Variants in LRIG2 observed in about 807,000 individuals in gnomAD.
The protein encoded by LRIG2 is leucine rich repeats and immunoglobulin like domains 2.
In LRIG2, 93 loss-of-function variants were observed where a neutral mutation model predicts 107.8. That is an observed-to-expected ratio of 0.86 (90% CI 0.73 to 1.03). The LOEUF is 1.03. Ranked by LOEUF, LRIG2 falls within the 50% of genes least tolerant of loss-of-function variation. The pLI, the probability that LRIG2 is intolerant of heterozygous loss-of-function variation, is 0.00. For synonymous variants in LRIG2, 471 were observed against 470.6 expected (o/e 1.00, Z -0.01); for missense variants, 1,226 against 1,296.0 (o/e 0.95, Z 0.83).
intron 11 of LRIG2, among the ~76,000 whole-genome samples, chr1:113,104,020 T>A (rs529182176): frequency 1.3e-5 from 2 of 152,292 alleles, no homozygotes; most frequent in Admixed American, 1.3e-4. Flanking sequence ...GGCATCTGAA[T>A]CCCCTCTGTT....
Position 113,112,558 on chromosome 1 carries a change from G to A in LRIG2, c.1878G>A (p.Glu626=). The A allele has an allele frequency of 6.2e-7, 1 of 1,614,210 alleles. No homozygotes were observed. ...TGGCCAGATTAGAATGTGCTGCAGA[G>A]GGACACCCTGCACCTCAGATTTCCT... ...GAMARLECAA[E]GHPAPQISWQ... is the part of the protein sequence containing the mutation. The change falls in exon 14 of 18, where the codon GAG becomes GAA. Residue 626 remains glutamate, a synonymous_variant. Coordinates refer to ENST00000361127, the MANE Select transcript of LRIG2 (RefSeq NM_014813.3).
intron 17 of LRIG2, among the ~76,000 whole-genome samples, chr1:113,120,826 T>G (rs977521675): frequency 6.7e-6 from 1 of 148,776 alleles, no homozygotes; most frequent in Non-Finnish European, 1.5e-5. Flanking sequence ...GAAGTTTTTT[T>G]TTTTTTATTT....
chr1:113,100,535 G>A (rs756445913), intron 11 of LRIG2, 47 bp downstream of exon 11: 1 of 1,109,550 alleles, frequency 9.0e-7, no homozygotes, highest in Non-Finnish European at 1.3e-6. Context: ...CATTGTTCCT[G>A]CTTGTTGTGC....
Position 113,114,763 on chromosome 1 carries a change from T to C in LRIG2, c.2417T>C (p.Val806Ala), listed in dbSNP as rs142889881. ...IGHEDDGWTT[V>A]GIVIIVVVCC... ...CATGAAGATGATGGCTGGACCACAG[T>C]TGGCATTGTCATCATTGTTGTGGTC... Residue 806 changes from valine to alanine, a missense_variant, in exon 15 of 18, where the codon GTT becomes GCT. Transcript: ENST00000361127. The C allele has an allele frequency of 7.0e-4, 1,131 of 1,614,150 alleles. 1 individual carries two copies. The highest frequency in any genetic ancestry group is 7.2e-4 in the Non-Finnish European group (848 of 1,180,018).
chr1:113,073,537 C>A lies in LRIG2; in HGVS notation c.131C>A (p.Pro44His), dbSNP rs771022906. 2.5e-6 allele frequency: 4 copies of A among 1,614,144 alleles called. No homozygotes were observed. In the Admixed American group the frequency reaches 6.7e-5, roughly 27 times the overall value. The change falls in exon 1 of 18, where the codon CCC becomes CAC. Residue 44 changes from proline (P) to histidine (H), a missense_variant. By Grantham distance (77) the Pro-to-His change is moderately conservative. Coordinates refer to ENST00000361127, the MANE Select transcript of LRIG2 (RefSeq NM_014813.3). ...LLPAAGAGLC[P>H]APCSCRIPLL... ...CCCGCCGCCGGAGCAGGTCTCTGCC[C>A]CGCGCCCTGCTCCTGCCGCATTCCT... is the stretch of plus-strand genomic sequence containing the variant.
chr1:113,111,195 C>T (rs1654760143), intron 13 of LRIG2, among the ~76,000 whole-genome samples: 1 of 152,078 alleles, frequency 6.6e-6, no homozygotes, highest in South Asian at 2.1e-4. Flanking sequence ...GCCACCAGGC[C>T]CATCTAATTT....
intron 9 of LRIG2, among the ~76,000 whole-genome samples, 171 bp from the exon 10 acceptor site, chr1:113,100,040 T>A (rs1430885873): frequency 6.6e-6 from 1 of 152,218 alleles, no homozygotes; most frequent in Non-Finnish European, 1.5e-5. Flanking sequence ...TCTCATCAAA[T>A]TGTACACATT....
rs193217435 is a variant in LRIG2 at position 113,132,059 on chromosome 1, C to T, written c.*7958C>T. 6.6e-6 allele frequency: 1 copy of T among 151,638 alleles called. No homozygotes were observed. The highest frequency in any genetic ancestry group is 1.5e-5 in the Non-Finnish European group (1 of 67,964). The allele number at this position is 151,638 out of a possible 1,614,324, so 9.4% of individuals were successfully genotyped here. A position where few individuals can be genotyped will look rare whatever the true frequency, so the allele number is the denominator to read the frequency against. On this transcript the variant is annotated 3_prime_UTR_variant, in exon 18 of 18. Transcript: ENST00000361127. ...TACTTTCCACTATTATTTTTTTCCC[C>T]TATTGGATAATACTAGTCTGAGCAG...
intron 1 of LRIG2, among the ~76,000 whole-genome samples, chr1:113,080,231 G>A (rs1419151870): frequency 6.6e-6 from 1 of 151,840 alleles, no homozygotes; most frequent in African/African-American, 2.4e-5. Flanking sequence ...ATGTTGGCCA[G>A]GCTGGTCTCC....
Position 113,073,485 on chromosome 1 carries a change from A to AGGTCTCGGT in LRIG2, c.79_80insGGTCTCGGT (p.Ile27delinsArgSerArgPhe). ...TAGAGTGCTTTCTCGGTTACTCTTC[A>AGGTCTCGGT]TTGCCCAGACCGCTCTCCTCCTGTT... is the stretch of plus-strand genomic sequence containing the variant. On this transcript the variant is annotated protein_altering_variant, in exon 1 of 18. Coordinates refer to ENST00000361127, the MANE Select transcript of LRIG2 (RefSeq NM_014813.3). The AGGTCTCGGT allele has an allele frequency of 6.2e-7, 1 of 1,613,982 alleles. No individual in the cohort carries two copies. Among genetic ancestry groups the AGGTCTCGGT allele is most frequent in the Non-Finnish European group, 8.5e-7 (1 of 1,179,974 alleles).
At chr1:113,087,703 A>T (rs1653621169) in intron 1 of LRIG2, among the ~76,000 whole-genome samples, 1 of 152,126 alleles carries the variant, frequency 6.6e-6, no homozygotes, top group Non-Finnish European at 1.5e-5. Flanking sequence ...TTAAAAAAAG[A>T]AATAGGAAAG....
At chr1:113,094,818 G>A (rs1302494060) in intron 6 of LRIG2, 63 bp downstream of exon 6, 5 of 1,503,654 alleles carry the variant, frequency 3.3e-6, no homozygotes, top group South Asian at 2.4e-5. Context: ...TTTCAGTGTC[G>A]AATGGCTAGG....
intron 6 of LRIG2, 126 bp from the exon 7 acceptor site, chr1:113,095,748 G>T: frequency 1.2e-6 from 1 of 826,350 alleles, no homozygotes; most frequent in Non-Finnish European, 1.9e-6. Context: ...TTATTGAATA[G>T]AATTGGTCAG....
intron 1 of LRIG2, among the ~76,000 whole-genome samples, chr1:113,081,195 G>T (rs901536429): frequency 6.6e-6 from 1 of 152,040 alleles, no homozygotes; most frequent in Non-Finnish European, 1.5e-5. Context: ...GGGATGTTTC[G>T]TCTAATTGCC....
intron 1 of LRIG2, among the ~76,000 whole-genome samples, chr1:113,077,731 C>CTATT (rs751434169): frequency 1.7e-4 from 26 of 151,998 alleles, no homozygotes; most frequent in South Asian, 1.5e-3. Context: ...AATGTTTTCA[C>CTATT]TATTTATTTA....
Position 113,103,626 on chromosome 1 carries a change from C to T in LRIG2, c.1313+3138C>T, listed in dbSNP as rs78354830. On this transcript the variant is annotated intron_variant, in intron 11 of 17. Transcript: ENST00000361127. Reference sequence around the variant, plus strand: ...TTTAACAGTTACGGTGCTGTGACTCCGATAGGATCAGATTCATCATTGGAC... The same window carrying T: ...TTTAACAGTTACGGTGCTGTGACTCTGATAGGATCAGATTCATCATTGGAC... 1,036 of 154,320 alleles carry T rather than the reference C, an allele frequency of 6.7e-3. 14 individuals are homozygous for T. Among genetic ancestry groups the T allele is most frequent in the African/African-American group, 0.023 (942 of 41,584 alleles). The allele number at this position is 154,320 out of a possible 1,614,324, so 9.6% of individuals were successfully genotyped here.
intron 11 of LRIG2, among the ~76,000 whole-genome samples, chr1:113,107,239 A>T (rs1654577558): frequency 6.6e-6 from 1 of 152,190 alleles, no homozygotes; most frequent in Non-Finnish European, 1.5e-5. Context: ...TAACATCGAT[A>T]AGGTAATATT....
chr1:113,117,153 A>G (rs1222575911), intron 16 of LRIG2, among the ~76,000 whole-genome samples: 6 of 152,182 alleles, frequency 3.9e-5, no homozygotes, highest in Admixed American at 3.9e-4. Context: ...CCTCGCTCCC[A>G]TAGGGAGTGA....
intron 12 of LRIG2, 51 bp downstream of exon 12, chr1:113,107,808 C>T: frequency 4.8e-6 from 7 of 1,469,990 alleles, no homozygotes; most frequent in Non-Finnish European, 6.4e-6. Flanking sequence ...ATAATCTTAA[C>T]AGAATTAAAA....
Sources: gnomAD v4.1 joint callset for allele counts (sites outside exome capture counted in the v4.1 genomes callset) on GRCh38, gnomAD v4.1.1 for gene constraint, MANE v1.5 for transcripts, NCBI Gene and HGNC (gene_info 2026-07-23, HGNC 2026-07-21) for gene names.